Variants in EPHA6 observed in about 807,000 individuals in gnomAD.
EPHA6 encodes EPH receptor A6.
EPHA6 carries 50 observed loss-of-function variants against 112.0 expected under a neutral mutation model. The observed-to-expected ratio is 0.45, with a 90% CI of 0.36 to 0.56. The LOEUF is 0.56. Among genes scored for constraint, EPHA6 ranks in the 20% least tolerant of loss-of-function variants. The pLI is 0.00. For missense variants in EPHA6, 1,280 were observed against 1,417.4 expected, an observed-to-expected ratio of 0.90 and a Z score of 1.56; for synonymous variants, 529 against 490.7, an observed-to-expected ratio of 1.08 and a Z score of -1.03.
At chr3:97,126,730 A>C (rs1195534145) in intron 3 of EPHA6, among the ~76,000 whole-genome samples, 1 of 149,622 alleles carries the variant, frequency 6.7e-6, no homozygotes, top group African/African-American at 2.5e-5. Context: ...AAAAAAAAAA[A>C]GATTTGAAGT....
At chr3:96,975,236 T>A (rs1576217995) in intron 2 of EPHA6, among the ~76,000 whole-genome samples, 1 of 151,780 alleles carries the variant, frequency 6.6e-6, no homozygotes, top group South Asian at 2.1e-4. Flanking sequence ...TAAGGAAGAG[T>A]TTGGGGCTGT....
intron 3 of EPHA6, among the ~76,000 whole-genome samples, chr3:97,102,595 G>A (rs2047436452): frequency 6.6e-6 from 1 of 152,080 alleles, no homozygotes; most frequent in Non-Finnish European, 1.5e-5. Context: ...ATACGTGCAT[G>A]TGCCTTCATA....
intron 3 of EPHA6, among the ~76,000 whole-genome samples, chr3:96,998,599 A>G (rs568581796): frequency 6.6e-6 from 1 of 152,020 alleles, no homozygotes; most frequent in Non-Finnish European, 1.5e-5. Flanking sequence ...AGAATCTATT[A>G]TTGCTAATGA....
chr3:97,112,287 T>G (rs572784302), intron 3 of EPHA6, among the ~76,000 whole-genome samples: 5 of 152,166 alleles, frequency 3.3e-5, no homozygotes, highest in South Asian at 2.1e-4. Context: ...GATAGTAATT[T>G]ATGTGAAAGC....
intron 1 of EPHA6, among the ~76,000 whole-genome samples, chr3:96,836,877 G>T (rs1445380592): frequency 6.6e-6 from 1 of 152,134 alleles, no homozygotes; most frequent in Admixed American, 6.6e-5. Context: ...CTACCATTCT[G>T]CATAGATAAA....
At chr3:96,983,840 T>A (rs979663282) in intron 2 of EPHA6, among the ~76,000 whole-genome samples, 1 of 152,244 alleles carries the variant, frequency 6.6e-6, no homozygotes, top group Non-Finnish European at 1.5e-5. Context: ...TCCAGTTGAT[T>A]GAATCAGCTA....
rs887311559 is a variant in EPHA6, at chr3:97,638,026, G to A, written c.2728G>A (p.Asp910Asn). ...TAGCAACTTAGTATGCAAAGTTTCT[G>A]ATTTTGGTCTCTCCAGAGTGCTGGA... The part of the protein sequence containing the change: ...VNSNLVCKVS[D>N]FGLSRVLEDD... Residue 910 changes from aspartate (D) to asparagine (N), a missense_variant, in exon 14 of 18, where the codon GAT becomes AAT. Transcript: ENST00000389672. The A allele has an allele frequency of 6.2e-7, 1 of 1,613,900 alleles. No individual in the cohort carries two copies. The highest frequency in any genetic ancestry group is 8.5e-7 in the Non-Finnish European group (1 of 1,179,838).
rs1239335930 is a variant in EPHA6, at chr3:97,750,342, T to C, written c.*1641T>C. 6.6e-6 allele frequency among the ~76,000 whole-genome samples: 1 copy of C among 151,878 alleles called. No homozygotes were observed. The highest frequency in any genetic ancestry group is 2.4e-5 in the African/African-American group (1 of 41,348). On this transcript the variant is annotated 3_prime_UTR_variant, in exon 18 of 18. Transcript: ENST00000389672. ...AGGACCCTGTTTTTGTTTTTTGTTT[T>C]TGTTTTTGTTGTTCGTTTGTTTGTT... is the stretch of plus-strand genomic sequence containing the variant.
At chr3:97,460,040 A>T (rs1168215050) in intron 7 of EPHA6, among the ~76,000 whole-genome samples, 2 of 152,222 alleles carry the variant, frequency 1.3e-5, no homozygotes, top group East Asian at 1.9e-4. Flanking sequence ...GTGAATTTAG[A>T]TAGCTTAGGG....
rs1054226449 is a variant in EPHA6 at position 97,423,450 on chromosome 3, G to A, written c.1731+18176G>A. 3.9e-5 allele frequency among the ~76,000 whole-genome samples: 6 copies of A among 152,094 alleles called. No individual in the cohort carries two copies. The East Asian group carries it at 9.6e-4, about 24-fold the overall frequency. ...CCTAAGAATACATCTAGCCAGGGAGGTGAAAGATCTCTACAATGATAAATA... is the reference window on the plus strand; with the variant it reads ...CCTAAGAATACATCTAGCCAGGGAGATGAAAGATCTCTACAATGATAAATA... On this transcript the variant is annotated intron_variant, in intron 6 of 17. Coordinates refer to ENST00000389672, the MANE Select transcript of EPHA6 (RefSeq NM_001080448.3).
intron 5 of EPHA6, among the ~76,000 whole-genome samples, chr3:97,277,542 G>C (rs936114764): frequency 1.6e-4 from 24 of 152,146 alleles, no homozygotes; most frequent in African/African-American, 5.3e-4. Context: ...TGGGCTCAGA[G>C]GCCTGACAGA....
intron 3 of EPHA6, among the ~76,000 whole-genome samples, chr3:97,192,398 C>T (rs771394784): frequency 6.6e-6 from 1 of 152,072 alleles, no homozygotes; most frequent in Non-Finnish European, 1.5e-5. Flanking sequence ...CTGCAAAGTG[C>T]TAGGATTACA....
chr3:97,042,265 C>T (rs2045343461), intron 3 of EPHA6, among the ~76,000 whole-genome samples: 1 of 152,014 alleles, frequency 6.6e-6, no homozygotes, highest in Non-Finnish European at 1.5e-5. Context: ...GTGGCACCCT[C>T]TCCCACTCGT....
intron 3 of EPHA6, among the ~76,000 whole-genome samples, chr3:97,144,363 T>G (rs1358997046): frequency 6.6e-6 from 1 of 151,488 alleles, no homozygotes; most frequent in Non-Finnish European, 1.5e-5. Flanking sequence ...ATTATATGGA[T>G]CAATAGGGCT....
chr3:97,102,535 C>T (rs543292071), intron 3 of EPHA6, among the ~76,000 whole-genome samples: 110 of 151,994 alleles, frequency 7.2e-4, no homozygotes, highest in Non-Finnish European at 1.3e-3. Flanking sequence ...TGTACAAATA[C>T]GATTAAACTT....
chr3:97,718,940 A>G (rs1305244186), intron 14 of EPHA6, among the ~76,000 whole-genome samples: 1 of 152,118 alleles, frequency 6.6e-6, no homozygotes, highest in Non-Finnish European at 1.5e-5. Flanking sequence ...TATAAAATCA[A>G]GGGAGTGGAT....
chr3:97,215,765 TA>T, intron 3 of EPHA6, among the ~76,000 whole-genome samples: 1 of 152,338 alleles, frequency 6.6e-6, no homozygotes, highest in Middle Eastern at 3.4e-3. Context: ...TCTGAAATTA[TA>T]AACATATTTT....
chr3:97,674,429 C>T (rs1319970252), intron 14 of EPHA6, among the ~76,000 whole-genome samples: 2 of 152,074 alleles, frequency 1.3e-5, no homozygotes, highest in Non-Finnish European at 2.9e-5. Context: ...AAATAATTTT[C>T]CTATTTAGGA....
Position 97,736,050 on chromosome 3 carries a change from T to G in EPHA6, c.3060T>G (p.Ile1020Met). The G allele has an allele frequency of 1.2e-6, 2 of 1,612,694 alleles. No homozygotes were observed. Among genetic ancestry groups the G allele is most frequent in the Non-Finnish European group, 1.7e-6 (2 of 1,179,172 alleles). Residue 1020 changes from isoleucine (I) to methionine (M), a missense_variant, in exon 16 of 18, where the codon ATT becomes ATG. By Grantham distance (10) the Ile-to-Met change is conservative (BLOSUM62 1). Transcript: ENST00000389672. Reference sequence around the variant, plus strand: ...ATCACAGACCAAAATTTACTGACATTGTCAGCTTCCTTGACAAACTGATCC... The same window carrying G: ...ATCACAGACCAAAATTTACTGACATGGTCAGCTTCCTTGACAAACTGATCC... Reference protein sequence around the residue: ...ERNHRPKFTDIVSFLDKLIRN... With the variant: ...ERNHRPKFTDMVSFLDKLIRN...
Sources: gnomAD v4.1 joint callset for allele counts (sites outside exome capture counted in the v4.1 genomes callset) on GRCh38, gnomAD v4.1.1 for gene constraint, MANE v1.5 for transcripts, NCBI Gene and HGNC (gene_info 2026-07-23, HGNC 2026-07-21) for gene names.